FCHSD1: variants seen among roughly 807,000 people sequenced by gnomAD.
FCHSD1 encodes F-BAR and double SH3 domains protein 1.
In FCHSD1, 109 loss-of-function variants were observed where a neutral mutation model predicts 101.3. That is an observed-to-expected ratio of 1.08 (90% CI 0.92 to 1.26). The LOEUF is 1.26. Ranked by LOEUF, FCHSD1 falls within the 50% of genes most tolerant of loss-of-function variation. The pLI is 0.00. For missense variants in FCHSD1, 820 were observed against 895.8 expected (o/e 0.92, Z 1.08); for synonymous variants, 291 against 356.8 (o/e 0.82, Z 2.08).
At position 141,645,941 on chromosome 5, in the gene FCHSD1, G is replaced by T; in HGVS notation, c.1150-9C>A. 1 of 1,559,646 alleles carries T rather than the reference G, an allele frequency of 6.4e-7. No individual in the cohort carries two copies. Among genetic ancestry groups the T allele is most frequent in the East Asian group, 2.4e-5 (1 of 41,758 alleles). The stretch of plus-strand genomic sequence containing the variant: ...CCCTTCACCTGGCTCACCTGCCATG[G>T]GGAGGAAGTAAGTTAGTGGAACCTG... On this transcript the variant is annotated splice_polypyrimidine_tract_variant and intron_variant, in intron 12 of 19. Coordinates refer to ENST00000435817, the MANE Select transcript of FCHSD1 (RefSeq NM_033449.3).
At chr5:141,643,245 C>G (rs971760296) in intron 17 of FCHSD1, among the ~76,000 whole-genome samples, 157 bp from the exon 18 acceptor site, 4 of 151,482 alleles carry the variant, frequency 2.6e-5, no homozygotes, top group African/African-American at 9.8e-5. Context: ...ACAAATATTT[C>G]AACAGCCAAT....
At chr5:141,644,484 G>A (rs1483892359) in intron 16 of FCHSD1, 46 bp from the exon 17 acceptor site, 1 of 1,607,080 alleles carries the variant, frequency 6.2e-7, no homozygotes, top group South Asian at 1.1e-5. Context: ...GGGTAGCAGT[G>A]CCCCAGGACC....
rs774973573 is a variant in FCHSD1, at chr5:141,639,980, C to T, written c.*1518G>A. On this transcript the variant is annotated 3_prime_UTR_variant, in exon 20 of 20. Coordinates refer to ENST00000435817, the MANE Select transcript of FCHSD1 (RefSeq NM_033449.3). The surrounding 1 kb of genome is among the most constrained non-coding windows in gnomAD (Gnocchi z 4.4). Reference sequence around the variant, plus strand: ...TGCACGAACACCGTGATGGCTCCCCCACAGACAGGAGCTGGGGCTCTGGTG... The same window carrying T: ...TGCACGAACACCGTGATGGCTCCCCTACAGACAGGAGCTGGGGCTCTGGTG... The T allele has an allele frequency of 3.7e-6, 6 of 1,613,900 alleles. No individual in the cohort carries two copies. Among genetic ancestry groups the T allele is most frequent in the Admixed American group, 3.3e-5 (2 of 60,022 alleles).
chr5:141,646,086 C>T lies in FCHSD1; in HGVS notation c.1149+1G>A, dbSNP rs1287303022. Reference sequence around the variant, plus strand: ...TCTCTAACCTCAGGGGTGTGCCTCACCTGTGCCCGGCGGATGCTCTCTCGC... The same window carrying T: ...TCTCTAACCTCAGGGGTGTGCCTCATCTGTGCCCGGCGGATGCTCTCTCGC... On this transcript the variant is annotated splice_donor_variant, in intron 12 of 19. Coordinates refer to ENST00000435817, the MANE Select transcript of FCHSD1 (RefSeq NM_033449.3). LOFTEE classifies it high-confidence loss of function. 1 of 1,608,188 alleles carries T rather than the reference C, an allele frequency of 6.2e-7. No homozygotes were observed.
At chr5:141,648,825 A>G in intron 7 of FCHSD1, 132 bp downstream of exon 7, 1 of 1,006,896 alleles carries the variant, frequency 9.9e-7, no homozygotes, top group East Asian at 2.4e-5. Context: ...AAATTAACCA[A>G]GGTTACCCAC....
At position 141,641,530 on chromosome 5, in the gene FCHSD1, G is replaced by GGCTTTAGCC; in HGVS notation, c.2040_2041insGGCTAAAGC (p.Ala680_Pro681insGlyTer). 3.3e-6 allele frequency: 5 copies of GGCTTTAGCC among 1,515,930 alleles called. No homozygotes were observed. Among genetic ancestry groups the GGCTTTAGCC allele is most frequent in the Non-Finnish European group, 4.4e-6 (5 of 1,131,258 alleles). The allele number at this position is 1,515,930 out of a possible 1,614,324, so 93.9% of individuals were successfully genotyped here. A position where few individuals can be genotyped will look rare whatever the true frequency, so the allele number is the denominator to read the frequency against. Reference sequence around the variant, plus strand: ...AGGGGATCTGGGTGGCCAGGATCCGGGGCTTTAGCCGGCGGGGGAGGTGGT... The same window carrying GGCTTTAGCC: ...AGGGGATCTGGGTGGCCAGGATCCGGGCTTTAGCCGGCTTTAGCCGGCGGGGGAGGTGGT... On this transcript the variant is annotated stop_gained and inframe_insertion, in exon 20 of 20. Coordinates refer to ENST00000435817, the MANE Select transcript of FCHSD1 (RefSeq NM_033449.3). LOFTEE classifies it high-confidence loss of function.
At chr5:141,645,277 T>G in intron 13 of FCHSD1, 129 bp from the exon 14 acceptor site, 4 of 1,294,704 alleles carry the variant, frequency 3.1e-6, no homozygotes, top group East Asian at 2.3e-5. Context: ...CCACTCACCA[T>G]GTACACAACC....
rs752561214 is a variant in FCHSD1, at chr5:141,641,707, T to C, written c.2002A>G (p.Arg668Gly). Residue 668 changes from arginine to glycine, a missense_variant, in exon 19 of 20, where the codon AGG becomes GGG. Coordinates refer to ENST00000435817, the MANE Select transcript of FCHSD1 (RefSeq NM_033449.3). ...GFLDMMAPRL[R>G]PMRPPPPPPA... is the part of the protein sequence containing the mutation. Reference sequence around the variant, plus strand: ...TCCAAGGCAAGGGCCCTTACCGGCCTGAGTCGAGGTGCCATCATGTCCAGG... The same window carrying C: ...TCCAAGGCAAGGGCCCTTACCGGCCCGAGTCGAGGTGCCATCATGTCCAGG... The C allele has an allele frequency of 1.2e-6, 2 of 1,614,036 alleles. No individual in the cohort carries two copies. The highest frequency in any genetic ancestry group is 1.7e-6 in the Non-Finnish European group (2 of 1,179,890).
At position 141,641,000 on chromosome 5, in the gene FCHSD1, G is replaced by A. The variant is rs2099906822; in HGVS notation, c.*498C>T. On this transcript the variant is annotated 3_prime_UTR_variant, in exon 20 of 20. Transcript: ENST00000435817. Reference sequence around the variant, plus strand: ...GGCCCCCTGCCCTCTTAGCACAAGAGGCCCAGGCCCTGGCCTGGCCTTCGT... The same window carrying A: ...GGCCCCCTGCCCTCTTAGCACAAGAAGCCCAGGCCCTGGCCTGGCCTTCGT... 2.4e-6 allele frequency: 1 copy of A among 420,242 alleles called. No homozygotes were observed. The highest frequency in any genetic ancestry group is 3.6e-5 in the East Asian group (1 of 27,480). The allele number at this position is 420,242 out of a possible 1,614,324, so 26.0% of individuals were successfully genotyped here. A position where few individuals can be genotyped will look rare whatever the true frequency, so the allele number is the denominator to read the frequency against.
Position 141,650,364 on chromosome 5 carries a change from C to A in FCHSD1, c.160G>T (p.Gly54Trp). 1 of 1,613,924 alleles carries A rather than the reference C, an allele frequency of 6.2e-7. No homozygotes were observed. The highest frequency in any genetic ancestry group is 8.5e-7 in the Non-Finnish European group (1 of 1,179,876). ...TCCAGAGAAAAGTCCCATACCTGCC[C>A]ATACTCCCGTTCAATGGCTGCCCTC... Reference protein sequence around the residue: ...KQRAAIEREYGQALQKLAGPF... With the variant: ...KQRAAIEREYWQALQKLAGPF... Residue 54 changes from glycine (G) to tryptophan (W), a missense_variant, in exon 3 of 20, where the codon GGG becomes TGG. Coordinates refer to ENST00000435817, the MANE Select transcript of FCHSD1 (RefSeq NM_033449.3).
intron 19 of FCHSD1, 38 bp downstream of exon 19, chr5:141,641,664 C>T (rs1424949649): frequency 3.1e-6 from 5 of 1,613,326 alleles, no homozygotes; most frequent in Non-Finnish European, 4.2e-6. Flanking sequence ...TGGAATAACC[C>T]CTCTACATAC....
chr5:141,650,502 T>C (rs1022889069), intron 2 of FCHSD1, 98 bp from the exon 3 acceptor site: 7 of 1,447,192 alleles, frequency 4.8e-6, no homozygotes, highest in East Asian at 2.3e-5. Flanking sequence ...GAGGGAGCGG[T>C]TGGGGGGAGC....
At position 141,649,016 on chromosome 5, in the gene FCHSD1, T is replaced by G. The variant is rs143056584; in HGVS notation, c.517A>C (p.Asn173His). The G allele has an allele frequency of 2.6e-5, 42 of 1,613,966 alleles. No homozygotes were observed. In the African/African-American group the frequency reaches 5.3e-4, roughly 20 times the overall value. ...EKAADVQARL[N>H]RSDHGIFHSR... ...TGGAAGATCCCATGGTCACTTCGGT[T>G]TAGCCTGTGCAGATGAGAGAAAGGA... is the stretch of plus-strand genomic sequence containing the variant. The change falls in exon 7 of 20, where the codon AAC (asparagine) becomes CAC (histidine). Residue 173 changes from asparagine (N) to histidine (H), a missense_variant. Asn to His is a moderately conservative substitution (Grantham distance 68). Coordinates refer to ENST00000435817, the MANE Select transcript of FCHSD1 (RefSeq NM_033449.3). This position sits in a 1 kb window ranked among gnomAD's most constrained non-coding sequence, Gnocchi z 4.1.
Position 141,647,462 on chromosome 5 carries a change from G to A in FCHSD1, c.764C>T (p.Thr255Ile), listed in dbSNP as rs1465800689. 1 of 1,612,076 alleles carries A rather than the reference G, an allele frequency of 6.2e-7. No individual in the cohort carries two copies. Among genetic ancestry groups the A allele is most frequent in the Admixed American group, 1.7e-5 (1 of 59,502 alleles). The change falls in exon 9 of 20, where the codon ACT becomes ATT. Residue 255 changes from threonine (T) to isoleucine (I), a missense_variant. Thr to Ile is a moderately conservative substitution (Grantham distance 89). Coordinates refer to ENST00000435817, the MANE Select transcript of FCHSD1 (RefSeq NM_033449.3). Reference sequence around the variant, plus strand: ...GATGACCTCTGCGGCTTCCAGCTCAGTGTGGCTCAGGGAGGTCAGGGGGTC... The same window carrying A: ...GATGACCTCTGCGGCTTCCAGCTCAATGTGGCTCAGGGAGGTCAGGGGGTC... The part of the protein sequence containing the change: ...LRDPLTSLSH[T>I]ELEAAEVILE...
In FCHSD1 at chr5:141,641,169, C is replaced by T. The variant is rs1293282219; in HGVS notation, c.*329G>A. On this transcript the variant is annotated 3_prime_UTR_variant, in exon 20 of 20. Transcript: ENST00000435817. Reference sequence around the variant, plus strand: ...ATCCAGAGTGGGGTGGGTCATGGAGCCAGGGTGGGGAAAGAGGTGGGCCAG... The same window carrying T: ...ATCCAGAGTGGGGTGGGTCATGGAGTCAGGGTGGGGAAAGAGGTGGGCCAG... 5.9e-6 allele frequency: 2 copies of T among 341,286 alleles called. No individual in the cohort carries two copies. Among genetic ancestry groups the T allele is most frequent in the East Asian group, 4.6e-5 (1 of 21,516 alleles). 21.1% of individuals were successfully genotyped at this position (341,286 alleles called of 1,614,324 possible).
intron 18 of FCHSD1, chr5:141,642,211 G>T: frequency 1.9e-6 from 1 of 538,890 alleles, no homozygotes. Context: ...AACATGAATG[G>T]AGTTGGATGC....
In FCHSD1 at chr5:141,640,745, C is replaced by T; in HGVS notation, c.*753G>A. 1 of 1,348,594 alleles carries T rather than the reference C, an allele frequency of 7.4e-7. No individual in the cohort carries two copies. Among genetic ancestry groups the T allele is most frequent in the Non-Finnish European group, 1.0e-6 (1 of 989,940 alleles). The allele number at this position is 1,348,594 out of a possible 1,614,324, so 83.5% of individuals were successfully genotyped here. A position where few individuals can be genotyped will look rare whatever the true frequency, so the allele number is the denominator to read the frequency against. ...GTGGGCGTGAAAGCCCTCCCCTCCA[C>T]TGGACAGCACTGCCCCCCAGCTGAG... On this transcript the variant is annotated 3_prime_UTR_variant, in exon 20 of 20. Transcript: ENST00000435817.
Position 141,649,223 on chromosome 5 carries a change from C to G in FCHSD1, c.461G>C (p.Arg154Pro), listed in dbSNP as rs762067116. 6 of 1,614,012 alleles carry G rather than the reference C, an allele frequency of 3.7e-6. No homozygotes were observed. In the East Asian group the frequency reaches 1.1e-4, roughly 30 times the overall value. ...LSRSRKLYGQ[R>P]ERVWALAQEK... Reference sequence around the variant, plus strand: ...CTGTGCCAAGGCCCACACACGTTCCCGCTGCCCATACAGCTTCCGACTTCG... The same window carrying G: ...CTGTGCCAAGGCCCACACACGTTCCGGCTGCCCATACAGCTTCCGACTTCG... Residue 154 changes from arginine (R) to proline (P), a missense_variant, in exon 6 of 20, where the codon CGG (arginine) becomes CCG (proline). Transcript: ENST00000435817. This position sits in a 1 kb window ranked among gnomAD's most constrained non-coding sequence, Gnocchi z 4.1.
At chr5:141,645,623 G>A (rs1171796428) in intron 13 of FCHSD1, 148 bp downstream of exon 13, 55 of 1,001,004 alleles carry the variant, frequency 5.5e-5, no homozygotes, top group Non-Finnish European at 7.5e-5. Context: ...CAGAAATTAT[G>A]CAAAGAATGA....
Sources: gnomAD v4.1 joint callset for allele counts (sites outside exome capture counted in the v4.1 genomes callset) on GRCh38, gnomAD v4.1.1 for gene constraint, Gnocchi (gnomAD v3.1) non-coding constraint, MANE v1.5 for transcripts, NCBI Gene and HGNC (gene_info 2026-07-23, HGNC 2026-07-21) for gene names.